Variants in LRRK1 observed in about 807,000 individuals in gnomAD.
The protein encoded by LRRK1 is leucine-rich repeat serine/threonine-protein kinase 1.
LRRK1 carries 113 observed loss-of-function variants against 209.1 expected under a neutral mutation model. The observed-to-expected ratio is 0.54, with a 90% CI of 0.46 to 0.63. The LOEUF is 0.63. Among genes scored for constraint, LRRK1 ranks in the 30% least tolerant of loss-of-function variants. LRRK1 has a pLI of 0.00. For missense variants in LRRK1, 2,284 were observed against 2,632.2 expected, an observed-to-expected ratio of 0.87 and a Z score of 2.89; for synonymous variants, 1,144 against 1,099.7, an observed-to-expected ratio of 1.04 and a Z score of -0.80.
intron 2 of LRRK1, among the ~76,000 whole-genome samples, chr15:100,972,060 T>C (rs571133775): frequency 6.6e-6 from 1 of 152,098 alleles, no homozygotes; most frequent in South Asian, 2.1e-4. Flanking sequence ...GCTCCTGGGT[T>C]CAAGTGATCC....
chr15:101,062,983 C>A (rs760025500), intron 31 of LRRK1, among the ~76,000 whole-genome samples: 2 of 152,142 alleles, frequency 1.3e-5, no homozygotes, highest in African/African-American at 4.8e-5. Flanking sequence ...ACAAATGGCA[C>A]GGTGAGCAGT....
intron 19 of LRRK1, among the ~76,000 whole-genome samples, chr15:101,028,723 AAGTGTAGTTACCC>A (rs371206419): frequency 3.3e-5 from 5 of 152,390 alleles, no homozygotes; most frequent in African/African-American, 1.2e-4. Flanking sequence ...AATGAGGATC[AAGTGTAGTTACCC>A]AGGCGGCCAT....
At chr15:100,934,674 C>T (rs549026295) in intron 2 of LRRK1, among the ~76,000 whole-genome samples, 1 of 145,506 alleles carries the variant, frequency 6.9e-6, no homozygotes, top group African/African-American at 2.5e-5. Context: ...TGGAGGCACA[C>T]ACCTGTGGTC....
At chr15:101,049,991 C>G (rs1053219652) in intron 23 of LRRK1, among the ~76,000 whole-genome samples, 19 of 151,998 alleles carry the variant, frequency 1.3e-4, no homozygotes, top group Admixed American at 1.2e-3. Context: ...GGACTGGGCT[C>G]GGACACCACT....
Position 100,988,932 on chromosome 15 carries a change from T to C in LRRK1, c.613+119T>C, listed in dbSNP as rs1314418561. On this transcript the variant is annotated intron_variant, in intron 5 of 33. Coordinates refer to ENST00000388948, the MANE Select transcript of LRRK1 (RefSeq NM_024652.6). ...TCAAATCACCTCTGTGAGGAGACTT[T>C]TGCAACTCCTGTTCTATGTTTCTTT... 1.5e-5 allele frequency: 12 copies of C among 795,922 alleles called. No homozygotes were observed. In the Admixed American group the frequency reaches 3.2e-4, roughly 21 times the overall value. 49.3% of individuals were successfully genotyped at this position (795,922 alleles called of 1,614,324 possible).
At chr15:101,060,776 G>GC (rs143606928) in intron 29 of LRRK1, among the ~76,000 whole-genome samples, 19,031 of 152,166 alleles carry the variant, frequency 0.13, 1,503 homozygotes, top group East Asian at 0.25. Context: ...CATTTTGAGT[G>GC]CCCCCCCGCC....
chr15:101,059,430 G>A (rs150106699), intron 29 of LRRK1, among the ~76,000 whole-genome samples: 79 of 152,206 alleles, frequency 5.2e-4, no homozygotes, highest in African/African-American at 1.6e-3. Context: ...AAAACACAGC[G>A]ATGGAGCACG....
intron 29 of LRRK1, among the ~76,000 whole-genome samples, chr15:101,058,487 A>G (rs887688938): frequency 2.0e-5 from 3 of 152,308 alleles, no homozygotes; most frequent in Non-Finnish European, 1.5e-5. Flanking sequence ...AGCCTGAACA[A>G]CATAGCAAGA....
Position 101,068,671 on chromosome 15 carries a change from G to T in LRRK1, c.5871G>T (p.Gly1957=). The change falls in exon 34 of 34, where the codon GGG becomes GGT. Residue 1957 remains glycine, a splice_region_variant and synonymous_variant. Transcript: ENST00000388948. ...TCCTCAGACCCCCTTCTCTCTGCAGGGTGCTGGTGGATGCTGCCGTGGTGG... is the reference window on the plus strand; with the variant it reads ...TCCTCAGACCCCCTTCTCTCTGCAGTGTGCTGGTGGATGCTGCCGTGGTGG... ...VLKARELTPH[G]VLVDAAVVAK... is the part of the protein sequence containing the mutation. 6.3e-7 allele frequency: 1 copy of T among 1,583,452 alleles called. No homozygotes were observed. Among genetic ancestry groups the T allele is most frequent in the South Asian group, 1.2e-5 (1 of 86,910 alleles).
intron 2 of LRRK1, among the ~76,000 whole-genome samples, chr15:100,973,212 G>A (rs1182571770): frequency 2.6e-5 from 4 of 152,190 alleles, no homozygotes; most frequent in Non-Finnish European, 4.4e-5. Context: ...GCAGGTGCTC[G>A]GATGACCGGG....
intron 2 of LRRK1, among the ~76,000 whole-genome samples, chr15:100,957,710 G>A (rs2042793262): frequency 6.6e-6 from 1 of 152,188 alleles, no homozygotes; most frequent in Admixed American, 6.5e-5. Flanking sequence ...ATCTCTTATA[G>A]GTAGCATATT....
chr15:100,957,384 G>A (rs1183039182), intron 2 of LRRK1, among the ~76,000 whole-genome samples: 1 of 152,172 alleles, frequency 6.6e-6, no homozygotes, highest in Non-Finnish European at 1.5e-5. Flanking sequence ...ATTATTGAAA[G>A]TAGGGTATTG....
At chr15:100,952,439 G>A (rs1322166156) in intron 2 of LRRK1, among the ~76,000 whole-genome samples, 6 of 152,220 alleles carry the variant, frequency 3.9e-5, no homozygotes, top group African/African-American at 1.4e-4. Flanking sequence ...AAAGGAATTT[G>A]CCTGTGTTTT....
At chr15:101,052,783 G>T in intron 24 of LRRK1, 139 bp from the exon 25 acceptor site, 1 of 1,002,746 alleles carries the variant, frequency 1.0e-6, no homozygotes, top group South Asian at 1.7e-5. Context: ...CAAGTGGCAG[G>T]GCCGGGGTGG....
chr15:101,002,116 CAACT>C (rs2032723396), intron 6 of LRRK1, among the ~76,000 whole-genome samples: 1 of 152,160 alleles, frequency 6.6e-6, no homozygotes, highest in African/African-American at 2.4e-5. Context: ...TTTTTTTCTT[CAACT>C]AATAGGTTTG....
At chr15:100,966,219 A>G (rs2030445258) in intron 2 of LRRK1, among the ~76,000 whole-genome samples, 1 of 152,254 alleles carries the variant, frequency 6.6e-6, no homozygotes, top group Non-Finnish European at 1.5e-5. Flanking sequence ...CTAAATAAGT[A>G]TTATCTCTAG....
rs1188594611 is a variant in LRRK1 at position 101,022,477 on chromosome 15, G to C, written c.1947G>C (p.Gln649His). ...MKMIIVGPPR[Q>H]GKSTLLEILQ... ...TGATCATCGTGGGTCCCCCGCGCCA[G>C]GGCAAGTCCACCCTCCTGGAGATCT... Residue 649 changes from glutamine (Q) to histidine (H), a missense_variant, in exon 15 of 34, where the codon CAG becomes CAC. Physicochemically the swap from Gln to His is conservative, Grantham distance 24 (BLOSUM62 0). Around this residue, in one of 6 missense-constraint regions of LRRK1, gnomAD observed 494 missense variants for 522.1 expected, o/e 0.95. Transcript: ENST00000388948. This position sits in a 1 kb window ranked among gnomAD's most constrained non-coding sequence, Gnocchi z 4.0. 2 of 1,614,130 alleles carry C rather than the reference G, an allele frequency of 1.2e-6. No homozygotes were observed. Among genetic ancestry groups the C allele is most frequent in the African/African-American group, 2.7e-5 (2 of 74,954 alleles).
chr15:101,067,731 C>T (rs550398856), intron 33 of LRRK1, among the ~76,000 whole-genome samples: 2 of 152,292 alleles, frequency 1.3e-5, no homozygotes, highest in East Asian at 3.9e-4. Context: ...TGGATCTGCT[C>T]CTGAGCTCTG....
In LRRK1 at chr15:101,045,965, C is replaced by T. The variant is rs2035053975; in HGVS notation, c.2964-16C>T. ...TTGGGCCCCACTGTTCACCAGTCCC[C>T]CTTGGTGTGTTTCAGCTACCTCCTG... is the stretch of plus-strand genomic sequence containing the variant. On this transcript the variant is annotated splice_polypyrimidine_tract_variant and intron_variant, in intron 20 of 33. Coordinates refer to ENST00000388948, the MANE Select transcript of LRRK1 (RefSeq NM_024652.6). 1.2e-6 allele frequency: 2 copies of T among 1,613,120 alleles called. No individual in the cohort carries two copies. Among genetic ancestry groups the T allele is most frequent in the Non-Finnish European group, 1.7e-6 (2 of 1,179,162 alleles).
Sources: allele counts gnomAD v4.1 joint callset (sites outside exome capture counted in the v4.1 genomes callset), GRCh38; gene constraint gnomAD v4.1.1; regional missense constraint gnomAD v4.1.1; non-coding constraint Gnocchi (gnomAD v3.1); transcripts MANE v1.5; gene names NCBI Gene and HGNC (gene_info 2026-07-23, HGNC 2026-07-21).